Variants in SLC9A7 observed in about 807,000 individuals in gnomAD.
SLC9A7 encodes solute carrier family 9 member A7.
Under a neutral mutation model 52.6 loss-of-function variants are expected in SLC9A7, and 19 were observed. The observed-to-expected ratio is 0.36, with a 90% CI of 0.25 to 0.53. The LOEUF (loss-of-function observed/expected upper bound fraction) is 0.53, where lower values mean the gene tolerates loss of function less well. Ranked by LOEUF, SLC9A7 falls within the 20% of genes least tolerant of loss-of-function variation. The pLI is 0.91. For missense variants in SLC9A7, 455 were observed against 597.9 expected, an observed-to-expected ratio of 0.76 and a Z score of 2.49; for synonymous variants, 226 against 252.1, an observed-to-expected ratio of 0.90 and a Z score of 0.98.
At chrX:46,757,734 C>A (rs782266334) in intron 1 of SLC9A7, among the ~76,000 whole-genome samples, 1 of 82,699 alleles carries the variant, frequency 1.2e-5, no homozygotes, top group South Asian at 7.3e-4. Context: ...ACTTTGGAGT[C>A]ATGGGCAGGG....
rs751781204 is a variant in SLC9A7 at position 46,607,194 on chromosome X, GCT to G, written c.1937_1938del (p.Glu646AlafsTer8). The G allele has an allele frequency of 8.3e-7, 1 of 1,209,676 alleles. No homozygotes were observed. The highest frequency in any genetic ancestry group is 1.1e-6 in the Non-Finnish European group (1 of 894,503). ...AAATCAGAGTCTTCCTCTCTCAGTG[GCT>G]CTTGGTTCTGAAAAGTGCAACCAAC... is the stretch of plus-strand genomic sequence containing the variant. ...LTSPQVYDNQ[E>X]PLREEDSDFI... is the part of the protein sequence containing the mutation. On this transcript the variant is annotated frameshift_variant, in exon 17 of 17. Transcript: ENST00000616978. LOFTEE classifies it high-confidence loss of function.
Position 46,653,679 on chromosome X carries a change from C to T in SLC9A7, c.1077G>A (p.Leu359=), listed in dbSNP as rs755415160. The change falls in exon 8 of 17, where the codon CTG becomes CTA. Residue 359 remains leucine, a synonymous_variant. Coordinates refer to ENST00000616978, the MANE Select transcript of SLC9A7 (RefSeq NM_001257291.2). Reference sequence around the variant, plus strand: ...TGAGGAAGAACAGCGCCGTCTCCAGCAGGGGGAAGCAGTGCAGTTTGGTAA... The same window carrying T: ...TGAGGAAGAACAGCGCCGTCTCCAGTAGGGGGAAGCAGTGCAGTTTGGTAA... The part of the protein sequence containing the change: ...TKFTKLHCFP[L]LETALFFLMS... The T allele has an allele frequency of 2.5e-6, 3 of 1,208,612 alleles. 1 individual carries two copies. In the East Asian group the frequency reaches 8.9e-5, roughly 36 times the overall value.
intron 1 of SLC9A7, among the ~76,000 whole-genome samples, chrX:46,707,449 C>T (rs965783994): frequency 3.4e-4 from 38 of 111,788 alleles, no homozygotes; most frequent in African/African-American, 1.1e-3. Flanking sequence ...CGTCACTAGC[C>T]AGCATCCTCT....
At chrX:46,633,960 C>T (rs1197561650) in intron 13 of SLC9A7, among the ~76,000 whole-genome samples, 1 of 111,616 alleles carries the variant, frequency 9.0e-6, no homozygotes, top group Non-Finnish European at 1.9e-5. Flanking sequence ...GCGTGAGCCA[C>T]CATGCCCGGC....
Position 46,758,942 on chromosome X carries a change from C to CCAGCAGCAGCGGCAG in SLC9A7, c.73_87dup (p.Leu25_Leu29dup), listed in dbSNP as rs782071275. The CCAGCAGCAGCGGCAG allele has an allele frequency of 2.8e-5, 31 of 1,096,378 alleles. No homozygotes were observed. In the East Asian group the frequency reaches 9.9e-4, roughly 35 times the overall value. The allele number at this position is 1,096,378 out of a possible 1,213,427, so 90.4% of individuals were successfully genotyped here. A position where few individuals can be genotyped will look rare whatever the true frequency, so the allele number is the denominator to read the frequency against. On this transcript the variant is annotated inframe_insertion, in exon 1 of 17. Coordinates refer to ENST00000616978, the MANE Select transcript of SLC9A7 (RefSeq NM_001257291.2). Reference sequence around the variant, plus strand: ...GCGGCCGCGACTCGCAGCCCCCAACCCAGCAGCAGCGGCAGCAGCAGCAGC... The same window carrying CCAGCAGCAGCGGCAG: ...GCGGCCGCGACTCGCAGCCCCCAACCCAGCAGCAGCGGCAGCAGCAGCAGCGGCAGCAGCAGCAGC...
intron 8 of SLC9A7, among the ~76,000 whole-genome samples, chrX:46,651,850 AAAAG>A (rs1320732801): frequency 2.4e-5 from 2 of 81,875 alleles, no homozygotes; most frequent in African/African-American, 3.8e-5. Context: ...AAAAAAAAGA[AAAAG>A]AAAAAAAAGA....
chrX:46,611,218 A>T (rs1942843024), intron 16 of SLC9A7, among the ~76,000 whole-genome samples: 1 of 112,297 alleles, frequency 8.9e-6, no homozygotes, highest in Non-Finnish European at 1.9e-5. Context: ...AGCTAGTAGC[A>T]GGATGAGAAA....
At chrX:46,674,317 A>G (rs1049342114) in intron 3 of SLC9A7, among the ~76,000 whole-genome samples, 2 of 112,188 alleles carry the variant, frequency 1.8e-5, no homozygotes, top group Non-Finnish European at 3.8e-5. Flanking sequence ...AATCACACAC[A>G]CACTATTACC....
At chrX:46,731,277 T>C (rs1054045224) in intron 1 of SLC9A7, among the ~76,000 whole-genome samples, 5 of 107,066 alleles carry the variant, frequency 4.7e-5, no homozygotes, top group Admixed American at 2.0e-4. Flanking sequence ...ATCTTTCTAA[T>C]GATAAGGTCC....
chrX:46,726,831 G>A (rs1356173878), intron 1 of SLC9A7, among the ~76,000 whole-genome samples: 4 of 111,187 alleles, frequency 3.6e-5, no homozygotes, highest in African/African-American at 9.8e-5. Flanking sequence ...TGACTGCCAC[G>A]GATGATAGGC....
chrX:46,725,782 G>A, intron 1 of SLC9A7: 1 of 860,353 alleles, frequency 1.2e-6, no homozygotes, highest in South Asian at 2.0e-5. Flanking sequence ...CTGGGCAGTG[G>A]AGCCTTGGGT....
chrX:46,730,671 T>TATATATATAC (rs144794040), intron 1 of SLC9A7, among the ~76,000 whole-genome samples: 24 of 3,480 alleles, frequency 6.9e-3, no homozygotes, highest in Non-Finnish European at 8.4e-3. Context: ...AAAAAAAAAT[T>TATATATATAC]ATATATATAT....
At chrX:46,654,327 G>A (rs890956131) in intron 7 of SLC9A7, among the ~76,000 whole-genome samples, 5 of 110,613 alleles carry the variant, frequency 4.5e-5, no homozygotes, top group African/African-American at 1.7e-4. Flanking sequence ...AGGTTGCAGT[G>A]AGCCAAGATT....
chrX:46,753,986 A>AAAT (rs201115168), intron 1 of SLC9A7, among the ~76,000 whole-genome samples: 31 of 101,119 alleles, frequency 3.1e-4, no homozygotes, highest in Admixed American at 9.7e-4. Context: ...ACTCTGTCTC[A>AAAT]AATAATAATA....
intron 5 of SLC9A7, among the ~76,000 whole-genome samples, chrX:46,668,831 A>C: frequency 9.0e-6 from 1 of 111,405 alleles, no homozygotes; most frequent in Admixed American, 9.6e-5. Context: ...TGGTTTCACA[A>C]TGATGTGGGT....
chrX:46,615,797 T>C (rs988297724), intron 15 of SLC9A7, among the ~76,000 whole-genome samples: 1 of 110,039 alleles, frequency 9.1e-6, no homozygotes, highest in Non-Finnish European at 1.9e-5. Flanking sequence ...CTTTAGATAA[T>C]ACACTTCTCC....
chrX:46,709,580 T>C (rs1944657235), intron 1 of SLC9A7, among the ~76,000 whole-genome samples: 1 of 110,439 alleles, frequency 9.1e-6, no homozygotes, highest in African/African-American at 3.3e-5. Context: ...ACAAAAAAAG[T>C]TCAAAAAATG....
chrX:46,748,075 A>G (rs1413299009), intron 1 of SLC9A7, among the ~76,000 whole-genome samples: 5 of 111,716 alleles, frequency 4.5e-5, no homozygotes, highest in Non-Finnish European at 9.4e-5. Context: ...GGCCAGGTAC[A>G]GTGGCTCATG....
intron 2 of SLC9A7, 51 bp downstream of exon 2, chrX:46,682,283 CAG>C: frequency 9.0e-7 from 1 of 1,105,469 alleles, no homozygotes; most frequent in Non-Finnish European, 1.2e-6. Flanking sequence ...CAAGACAAGT[CAG>C]GGAATCAACA....
Sources: gnomAD v4.1 joint callset for allele counts (sites outside exome capture counted in the v4.1 genomes callset) on GRCh38, gnomAD v4.1.1 for gene constraint, MANE v1.5 for transcripts, NCBI Gene and HGNC (gene_info 2026-07-23, HGNC 2026-07-21) for gene names.